MKLN1: variants seen among roughly 807,000 people sequenced by gnomAD.
MKLN1 encodes the protein muskelin 1.
In MKLN1, 18 loss-of-function variants were observed where a neutral mutation model predicts 99.0. The ratio of observed to expected loss-of-function variants is 0.18; its 90% CI spans 0.13 to 0.27. MKLN1 has a LOEUF of 0.27. Among genes scored for constraint, MKLN1 ranks in the 10% least tolerant of loss-of-function variants. The pLI is 1.00. For synonymous variants in MKLN1, 288 were observed against 293.2 expected (o/e 0.98, Z 0.18); for missense variants, 621 against 875.9 (o/e 0.71, Z 3.67).
intron 2 of MKLN1, among the ~76,000 whole-genome samples, chr7:131,378,270 C>T (rs1190308132): frequency 6.6e-6 from 1 of 152,108 alleles, no homozygotes; most frequent in Admixed American, 6.5e-5. Flanking sequence ...CACCACCACG[C>T]CCAGCTAATT....
intron 12 of MKLN1, among the ~76,000 whole-genome samples, chr7:131,449,026 T>C (rs1209176676): frequency 6.6e-6 from 1 of 152,206 alleles, no homozygotes; most frequent in East Asian, 1.9e-4. Flanking sequence ...GTGTTCTAAG[T>C]ACTGTGAATA....
At chr7:131,199,738 G>C (rs1261325288) in intron 2 of MKLN1, among the ~76,000 whole-genome samples, 1 of 152,198 alleles carries the variant, frequency 6.6e-6, no homozygotes, top group Non-Finnish European at 1.5e-5. Context: ...CTATCACCCA[G>C]GCTGGAGTAC....
intron 2 of MKLN1, among the ~76,000 whole-genome samples, chr7:131,187,041 A>G (rs1796461618): frequency 1.3e-5 from 2 of 152,226 alleles, no homozygotes. Flanking sequence ...GGGAACTCCG[A>G]GTAGGCAAGA....
intron 9 of MKLN1, among the ~76,000 whole-genome samples, chr7:131,433,201 T>G (rs764583407): frequency 2.0e-5 from 3 of 152,238 alleles, no homozygotes; most frequent in South Asian, 2.1e-4. Flanking sequence ...CTTTCTTGAC[T>G]TTGATGATTT....
At chr7:131,366,317 C>T (rs1022731668) in intron 1 of MKLN1, among the ~76,000 whole-genome samples, 1 of 151,914 alleles carries the variant, frequency 6.6e-6, no homozygotes, top group African/African-American at 2.4e-5. Context: ...GGAAAAACAT[C>T]CTTTTATACT....
At chr7:131,264,334 G>A (rs982006841) in intron 3 of MKLN1, among the ~76,000 whole-genome samples, 1 of 152,154 alleles carries the variant, frequency 6.6e-6, no homozygotes, top group African/African-American at 2.4e-5. Flanking sequence ...TATTTCAGAT[G>A]CAGAACAAAC....
chr7:131,400,672 A>G (rs887621566), intron 6 of MKLN1, among the ~76,000 whole-genome samples: 2 of 151,742 alleles, frequency 1.3e-5, no homozygotes, highest in Non-Finnish European at 2.9e-5. Context: ...TTGTGAAGGG[A>G]AAGCAAAACA....
rs1229176881 is a variant in MKLN1 at position 131,487,690 on chromosome 7, C to T, written c.2170C>T (p.Pro724Ser). 1 of 1,613,178 alleles carries T rather than the reference C, an allele frequency of 6.2e-7. No individual in the cohort carries two copies. The highest frequency in any genetic ancestry group is 1.1e-5 in the South Asian group (1 of 91,052). The change falls in exon 18 of 18, where the codon CCT becomes TCT. Residue 724 changes from proline (P) to serine (S), a missense_variant. Pro to Ser is a moderately conservative substitution (Grantham distance 74, BLOSUM62 -1). Transcript: ENST00000352689. The surrounding 1 kb of genome is among the most constrained non-coding windows in gnomAD (Gnocchi z 4.7). ...AAATTTCTTTCCTGACAGCATGACT[C>T]CTCCTAAAGGCAACCTGGTAGACCT... is the stretch of plus-strand genomic sequence containing the variant. ...LVNFFPDSMT[P>S]PKGNLVDLIT... is the part of the protein sequence containing the mutation.
At chr7:131,351,172 C>T (rs913699002) in intron 1 of MKLN1, among the ~76,000 whole-genome samples, 1 of 151,802 alleles carries the variant, frequency 6.6e-6, no homozygotes, top group Non-Finnish European at 1.5e-5. Flanking sequence ...TGCTTGAGTC[C>T]AGGAGGTCGA....
At chr7:131,405,222 A>AAC (rs922081568) in intron 6 of MKLN1, among the ~76,000 whole-genome samples, 7 of 151,846 alleles carry the variant, frequency 4.6e-5, no homozygotes, top group Non-Finnish European at 1.0e-4. Flanking sequence ...ACTTATCTTG[A>AAC]ATATATATAT....
intron 6 of MKLN1, among the ~76,000 whole-genome samples, chr7:131,406,049 A>G (rs917005786): frequency 5.9e-5 from 9 of 152,060 alleles, no homozygotes; most frequent in Non-Finnish European, 8.8e-5. Flanking sequence ...TGTTTCCTAT[A>G]GTTGGTCCAA....
chr7:131,385,103 G>C lies in MKLN1; in HGVS notation c.169-2017G>C, dbSNP rs541819999. The stretch of plus-strand genomic sequence containing the variant: ...GCTTTATGCCTCTATGCATTTACTT[G>C]TTCTGGGTAAGTCAGACTGGCTTTT... On this transcript the variant is annotated intron_variant, in intron 2 of 17. Transcript: ENST00000352689. 1.1e-4 allele frequency among the ~76,000 whole-genome samples: 17 copies of C among 152,196 alleles called. No homozygotes were observed. In the South Asian group the frequency reaches 1.5e-3, roughly 13 times the overall value.
chr7:131,323,591 A>T (rs773415966), upstream of MKLN1: 6 of 152,136 alleles, frequency 3.9e-5, no homozygotes, highest in Non-Finnish European at 7.4e-5. Context: ...ACAAGACAGT[A>T]CCCCATAAAT....
chr7:131,291,872 A>C (rs944080453), intron 3 of MKLN1, among the ~76,000 whole-genome samples: 8 of 152,140 alleles, frequency 5.3e-5, no homozygotes, highest in African/African-American at 1.9e-4. Context: ...TGGGAGGACA[A>C]GGCGGGAGGA....
At chr7:131,324,111 T>A (rs1798837357), upstream of MKLN1, 1 of 152,184 alleles carries the variant, frequency 6.6e-6, no homozygotes, top group South Asian at 2.1e-4. Flanking sequence ...AACCATGACC[T>A]GCACCTCTGC....
chr7:131,473,179 C>CA (rs1796874530), intron 16 of MKLN1, among the ~76,000 whole-genome samples: 1 of 152,070 alleles, frequency 6.6e-6, no homozygotes, highest in Admixed American at 6.5e-5. Context: ...CATGTATACT[C>CA]ACGATATTTG....
intron 2 of MKLN1, among the ~76,000 whole-genome samples, chr7:131,197,480 G>A (rs554818680): frequency 6.6e-6 from 1 of 150,656 alleles, no homozygotes; most frequent in Admixed American, 6.6e-5. Context: ...CAACTCCTGG[G>A]CTCAAGCAAC....
intron 3 of MKLN1, among the ~76,000 whole-genome samples, chr7:131,224,257 T>C (rs1288570942): frequency 6.6e-6 from 1 of 151,918 alleles, no homozygotes; most frequent in Non-Finnish European, 1.5e-5. Context: ...ATTTAAAAAT[T>C]AGCTGGGGCT....
In MKLN1 at chr7:131,280,586, T is replaced by C. The variant is rs148454630; in HGVS notation, c.-179+77612T>C. Among the ~76,000 whole-genome samples the C allele has an allele frequency of 1.8e-3, 275 of 152,328 alleles. 7 individuals are homozygous for C. Among genetic ancestry groups the C allele is most frequent in the East Asian group, 1.9e-3 (10 of 5,192 alleles). ...ATCTTTTCATGTGCATAATGGCCAT[T>C]GGTATATATTCTGTGGCAGAATGTT... On this transcript the variant is annotated intron_variant, in intron 3 of 7. Coordinates refer to the MKLN1 transcript ENST00000416992.
Sources: gnomAD v4.1 joint callset for allele counts (sites outside exome capture counted in the v4.1 genomes callset) on GRCh38, gnomAD v4.1.1 for gene constraint, Gnocchi (gnomAD v3.1) non-coding constraint, MANE v1.5 for transcripts, NCBI Gene and HGNC (gene_info 2026-07-23, HGNC 2026-07-21) for gene names.